MLPH: variants seen among roughly 807,000 people sequenced by gnomAD.
MLPH encodes the protein exophilin-3.
Under a neutral mutation model 72.1 loss-of-function variants are expected in MLPH, and 51 were observed. The observed-to-expected ratio is 0.71, with a 90% confidence interval of 0.56 to 0.89. MLPH has a LOEUF of 0.89. Among genes scored for constraint, MLPH ranks in the 40% least tolerant of loss-of-function variants. MLPH has a pLI of 0.00. For missense variants in MLPH, 743 were observed against 759.9 expected (o/e 0.98, Z 0.26); for synonymous variants, 301 against 310.1 (o/e 0.97, Z 0.31).
intron 14 of MLPH, among the ~76,000 whole-genome samples, chr2:237,550,120 C>T (rs73999113): frequency 0.21 from 31,242 of 152,220 alleles, 5,793 homozygotes; most frequent in African/African-American, 0.5. Flanking sequence ...TTTCAGAGCG[C>T]ACCAAGCAGG....
At chr2:237,489,243 A>G (rs909170498) in intron 1 of MLPH, among the ~76,000 whole-genome samples, 3 of 152,162 alleles carry the variant, frequency 2.0e-5, no homozygotes, top group African/African-American at 2.4e-5. Flanking sequence ...TAAATGCAGA[A>G]CTCATGTCCA....
At chr2:237,504,371 C>A (rs906038375) in intron 2 of MLPH, among the ~76,000 whole-genome samples, 1 of 152,152 alleles carries the variant, frequency 6.6e-6, no homozygotes, top group Non-Finnish European at 1.5e-5. Flanking sequence ...TGCCCACCAC[C>A]ACACGGGGCT....
chr2:237,507,051 C>CTTTT, intron 2 of MLPH, among the ~76,000 whole-genome samples: 1 of 119,382 alleles, frequency 8.4e-6, no homozygotes, highest in African/African-American at 3.2e-5. Context: ...TTTCCTTTTT[C>CTTTT]TTTTTTTTTT....
At chr2:237,507,407 G>T (rs576397649) in intron 2 of MLPH, 24 of 152,282 alleles carry the variant, frequency 1.6e-4, no homozygotes, top group African/African-American at 5.3e-4. Context: ...TGTGGAATCT[G>T]AAACCATGTT....
At position 237,510,430 on chromosome 2, in the gene MLPH, G is replaced by A. The variant is rs2079865203; in HGVS notation, c.111-144G>A. The A allele has an allele frequency of 1.1e-6, 1 of 881,350 alleles. No homozygotes were observed. The highest frequency in any genetic ancestry group is 1.4e-5 in the South Asian group (1 of 69,074). The allele number at this position is 881,350 out of a possible 1,614,324, so 54.6% of individuals were successfully genotyped here. On this transcript the variant is annotated intron_variant, in intron 2 of 15. Transcript: ENST00000264605. This position sits in a 1 kb window ranked among gnomAD's most constrained non-coding sequence, Gnocchi z 4.4. ...CCTGTGTGGCTTTGCCCAACGTTGG[G>A]TCACTGTTTTCTGCATAGGAGACAG...
chr2:237,494,700 G>A (rs1404968960), intron 2 of MLPH, among the ~76,000 whole-genome samples: 1 of 152,180 alleles, frequency 6.6e-6, no homozygotes, highest in Non-Finnish European at 1.5e-5. Context: ...GGCCACAGAT[G>A]GAGAGGTTTG....
chr2:237,495,618 C>T (rs912861791), intron 2 of MLPH, among the ~76,000 whole-genome samples: 1 of 152,176 alleles, frequency 6.6e-6, no homozygotes, highest in Non-Finnish European at 1.5e-5. Flanking sequence ...GAGCAGGAGG[C>T]GCTCGTGTTG....
upstream of MLPH, chr2:237,487,066 A>G (rs1325647875): frequency 2.0e-5 from 3 of 152,070 alleles, no homozygotes; most frequent in East Asian, 5.8e-4. Flanking sequence ...TTTCTCCCCA[A>G]ACTGGCTTGG....
intron 6 of MLPH, among the ~76,000 whole-genome samples, chr2:237,520,306 C>T (rs2080152972): frequency 6.6e-6 from 1 of 151,914 alleles, no homozygotes; most frequent in South Asian, 2.1e-4. Context: ...GAGTTGGGGC[C>T]CAGGGATCGG....
chr2:237,527,930 T>A (rs2080338862), intron 8 of MLPH, among the ~76,000 whole-genome samples: 1 of 152,194 alleles, frequency 6.6e-6, no homozygotes. Context: ...GTACGCAACA[T>A]GGAATATTAT....
intron 13 of MLPH, among the ~76,000 whole-genome samples, chr2:237,547,121 C>T (rs990101242): frequency 2.4e-4 from 36 of 152,264 alleles, no homozygotes; most frequent in Non-Finnish European, 4.6e-4. Context: ...GGGCCACACA[C>T]ATTCCCAGGC....
At chr2:237,507,248 G>A (rs1257708120) in intron 2 of MLPH, 3 of 151,698 alleles carry the variant, frequency 2.0e-5, no homozygotes, top group Non-Finnish European at 4.4e-5. Context: ...TGCATTTTTA[G>A]TAGAGACAGG....
chr2:237,509,036 C>G (rs1008309752), intron 2 of MLPH, among the ~76,000 whole-genome samples: 1 of 152,184 alleles, frequency 6.6e-6, no homozygotes, highest in African/African-American at 2.4e-5. Flanking sequence ...ATGGAGTGCT[C>G]TGGCCCCATT....
intron 8 of MLPH, among the ~76,000 whole-genome samples, chr2:237,532,203 C>T (rs1488879605): frequency 1.3e-5 from 2 of 152,234 alleles, no homozygotes; most frequent in Non-Finnish European, 2.9e-5. Flanking sequence ...AACCCCAAGA[C>T]TCCCAGCCAT....
At chr2:237,500,712 G>T (rs1306370306) in intron 2 of MLPH, among the ~76,000 whole-genome samples, 2 of 151,976 alleles carry the variant, frequency 1.3e-5, no homozygotes, top group African/African-American at 4.8e-5. Context: ...CCCCATCTTG[G>T]ATGCAGGCTG....
At position 237,525,624 on chromosome 2, in the gene MLPH, A is replaced by C; in HGVS notation, c.699A>C (p.Ser233=). 1 of 1,614,132 alleles carries C rather than the reference A, an allele frequency of 6.2e-7. No individual in the cohort carries two copies. The highest frequency in any genetic ancestry group is 8.5e-7 in the Non-Finnish European group (1 of 1,180,022). ...AGTCCCTCACAGATGAGTCCTGCTC[A>C]GAGAAGGCAGCCCCTCACAAGGCTG... ...SPQSLTDESC[S]EKAAPHKAEG... Residue 233 remains serine, a synonymous_variant, in exon 7 of 16, where the codon TCA becomes TCC. Transcript: ENST00000264605.
intron 2 of MLPH, among the ~76,000 whole-genome samples, chr2:237,509,655 G>A (rs2079848443): frequency 6.6e-6 from 1 of 152,156 alleles, no homozygotes. Context: ...TTGAAGCTAT[G>A]ACAAGAGCCT....
chr2:237,532,269 G>A (rs2080435745), intron 8 of MLPH, among the ~76,000 whole-genome samples: 1 of 152,344 alleles, frequency 6.6e-6, no homozygotes, highest in East Asian at 1.9e-4. Context: ...TCATCTGAGG[G>A]GTCAGGCAGC....
At chr2:237,518,676 C>T (rs773982897) in intron 5 of MLPH, 28 bp downstream of exon 5, 2 of 1,562,796 alleles carry the variant, frequency 1.3e-6, no homozygotes, top group East Asian at 4.5e-5. Flanking sequence ...ACCCCCTCCT[C>T]AGCCACCTCG....
Sources: gnomAD v4.1 joint callset for allele counts (sites outside exome capture counted in the v4.1 genomes callset) on GRCh38, gnomAD v4.1.1 for gene constraint, Gnocchi (gnomAD v3.1) non-coding constraint, MANE v1.5 for transcripts, NCBI Gene and HGNC (gene_info 2026-07-23, HGNC 2026-07-21) for gene names.